The following DCST1 variants were observed in gnomAD, a reference collection of about 807,000 sequenced individuals.
DCST1 encodes the protein DC-STAMP domain containing 1.
DCST1 carries 78 observed loss-of-function variants against 89.1 expected under a neutral mutation model. The ratio of observed to expected loss-of-function variants is 0.88; its 90% confidence interval spans 0.73 to 1.06. The LOEUF (loss-of-function observed/expected upper bound fraction) is 1.06. Ranked by LOEUF, DCST1 falls within the 50% of genes least tolerant of loss-of-function variation. DCST1 has a pLI of 0.00. For missense variants in DCST1, 900 were observed against 928.6 expected, an observed-to-expected ratio of 0.97 and a Z score of 0.40; for synonymous variants, 364 against 371.9, an observed-to-expected ratio of 0.98 and a Z score of 0.24.
intron 4 of DCST1, among the ~76,000 whole-genome samples, chr1:155,038,582 C>T (rs1286087576): frequency 6.6e-6 from 1 of 152,172 alleles, no homozygotes; most frequent in South Asian, 2.1e-4. Flanking sequence ...TCCATCAACA[C>T]AGGAATCTTC....
intron 4 of DCST1, 89 bp from the exon 5 acceptor site, chr1:155,039,314 G>C (rs571755011): frequency 1.3e-5 from 18 of 1,432,760 alleles, no homozygotes; most frequent in South Asian, 7.7e-5. Flanking sequence ...GTTCCAGAAG[G>C]GGGTGTTGCA....
intron 14 of DCST1, 66 bp downstream of exon 14, chr1:155,047,378 A>G: frequency 2.8e-6 from 4 of 1,433,784 alleles, no homozygotes; most frequent in Non-Finnish European, 3.9e-6. Flanking sequence ...AAAAGACTCC[A>G]AGGTAAAGAG....
chr1:155,046,600 C>CTATTTTTTTT, intron 13 of DCST1, 114 bp downstream of exon 13: 1 of 532,372 alleles, frequency 1.9e-6, no homozygotes, highest in Non-Finnish European at 2.6e-6. Context: ...CCTTCTGCCT[C>CTATTTTTTTT]TTTTTTTTTT....
At chr1:155,039,382 C>T in intron 4 of DCST1, 21 bp from the exon 5 acceptor site, 1 of 1,529,028 alleles carries the variant, frequency 6.5e-7, no homozygotes, top group Non-Finnish European at 8.8e-7. Flanking sequence ...CAGCTCACCA[C>T]CTCCTGGGCT....
chr1:155,041,859 T>A lies in DCST1; in HGVS notation c.892+2T>A. ...AGTTCTTCTGTGGCATTGCCAAGGGTCTGCACAGTTGCAAAGGGGTGGGGA... is the reference window on the plus strand; with the variant it reads ...AGTTCTTCTGTGGCATTGCCAAGGGACTGCACAGTTGCAAAGGGGTGGGGA... On this transcript the variant is annotated splice_donor_variant, in intron 8 of 16. Coordinates refer to ENST00000295542, the MANE Select transcript of DCST1 (RefSeq NM_152494.4). LOFTEE classifies it high-confidence loss of function. 6.2e-7 allele frequency: 1 copy of A among 1,614,136 alleles called. No individual in the cohort carries two copies. Among genetic ancestry groups the A allele is most frequent in the South Asian group, 1.1e-5 (1 of 91,086 alleles).
chr1:155,046,663 T>C (rs1169730013), intron 13 of DCST1, among the ~76,000 whole-genome samples, 177 bp downstream of exon 13: 1 of 129,300 alleles, frequency 7.7e-6, no homozygotes, highest in African/African-American at 3.0e-5. Flanking sequence ...AGGAGTGCAT[T>C]GGCACAATCT....
At position 155,034,580 on chromosome 1, in the gene DCST1, G is replaced by A; in HGVS notation, c.187+20G>A. 3 of 1,613,986 alleles carry A rather than the reference G, an allele frequency of 1.9e-6. No homozygotes were observed. Among genetic ancestry groups the A allele is most frequent in the Non-Finnish European group, 2.5e-6 (3 of 1,180,028 alleles). ...CCATAGGTGAGTGTGGAAGCAGAAA[G>A]TTCGGGGTGGGCAGAGGCTGGACCA... On this transcript the variant is annotated intron_variant, in intron 3 of 16. Transcript: ENST00000295542.
chr1:155,035,034 ATCC>A (rs1446868339), intron 4 of DCST1: 2 of 368,280 alleles, frequency 5.4e-6, no homozygotes, highest in Non-Finnish European at 9.8e-6. Context: ...TCGTTTTCTG[ATCC>A]TCCTAAGAAA....
rs973663015 is a variant in DCST1, at chr1:155,041,562, C to T, written c.697C>T (p.His233Tyr). The T allele has an allele frequency of 2.5e-6, 4 of 1,614,016 alleles. No homozygotes were observed. Among genetic ancestry groups the T allele is most frequent in the Non-Finnish European group, 2.5e-6 (3 of 1,180,032 alleles). ...CCGCCAAGCCCCAGCCTCCAGACTC[C>T]ACCTGTCGACACAGAAGATGTATGA... ...EARQAPASRL[H>Y]LSTQKMYELK... The change falls in exon 7 of 17, where the codon CAC (histidine) becomes TAC (tyrosine). Residue 233 changes from histidine (H) to tyrosine (Y), a missense_variant. Physicochemically the swap from His to Tyr is moderately conservative, Grantham distance 83 (BLOSUM62 2). Transcript: ENST00000295542.
At chr1:155,049,151 T>G in intron 16 of DCST1, 1 of 703,580 alleles carries the variant, frequency 1.4e-6, no homozygotes, top group Non-Finnish European at 2.7e-6. Context: ...CTCATTACTA[T>G]GACAACGGTG....
At position 155,047,887 on chromosome 1, in the gene DCST1, C is replaced by T. The variant is rs1268537883; in HGVS notation, c.1713C>T (p.Gly571=). The change falls in exon 15 of 17, where the codon GGC becomes GGT. Residue 571 remains glycine, a synonymous_variant. Transcript: ENST00000295542. ...LVCLCLLQAF[G]YRLRRVIAAF... Reference sequence around the variant, plus strand: ...GTCTCTGCCTGTTACAGGCTTTTGGCTACCGACTCCGGAGGGTCATCGCAG... The same window carrying T: ...GTCTCTGCCTGTTACAGGCTTTTGGTTACCGACTCCGGAGGGTCATCGCAG... The T allele has an allele frequency of 2.5e-6, 4 of 1,614,172 alleles. No individual in the cohort carries two copies. The highest frequency in any genetic ancestry group is 3.4e-6 in the Non-Finnish European group (4 of 1,180,030).
chr1:155,050,552 GC>G, intron 16 of DCST1, 64 bp from the exon 17 acceptor site: 1 of 1,482,534 alleles, frequency 6.7e-7, no homozygotes, highest in Admixed American at 2.1e-5. Context: ...GACAGGAAAC[GC>G]TGTCCAGTTC....
intron 4 of DCST1, among the ~76,000 whole-genome samples, chr1:155,035,823 G>A (rs1395514702): frequency 6.6e-6 from 1 of 151,974 alleles, no homozygotes; most frequent in African/African-American, 2.4e-5. Flanking sequence ...CCAGCTTCTT[G>A]GGAGGCTGAG....
chr1:155,050,484 T>G (rs1412171323), intron 16 of DCST1, 133 bp from the exon 17 acceptor site: 2 of 1,270,430 alleles, frequency 1.6e-6, no homozygotes, highest in Admixed American at 5.6e-5. Flanking sequence ...TCCAGGGGTT[T>G]CCTTTGTCCA....
chr1:155,050,680 C>A lies in DCST1; in HGVS notation c.1933C>A (p.Arg645Ser). ...GCTCCTGCGCCGCTGGCTGTGCCGG[C>A]GCTGCGTGGTGTGCCAGGCACCCGA... is the stretch of plus-strand genomic sequence containing the variant. ...CPLLRRWLCR[R>S]CVVCQAPETP... The change falls in exon 17 of 17, where the codon CGC becomes AGC. Residue 645 changes from arginine (R) to serine (S), a missense_variant. By Grantham distance (110) the Arg-to-Ser change is moderately radical. Coordinates refer to ENST00000295542, the MANE Select transcript of DCST1 (RefSeq NM_152494.4). 6.2e-7 allele frequency: 1 copy of A among 1,602,834 alleles called. No homozygotes were observed. Among genetic ancestry groups the A allele is most frequent in the South Asian group, 1.1e-5 (1 of 89,954 alleles).
At position 155,046,193 on chromosome 1, in the gene DCST1, C is replaced by A; in HGVS notation, c.1341C>A (p.Thr447=). ...EKTVIFPCKP[T]IQASEMSNVV... ...CCGTCATCTTCCCTTGCAAGCCCACCATCCAGGCCTCAGAAATGAGCAATG... is the reference window on the plus strand; with the variant it reads ...CCGTCATCTTCCCTTGCAAGCCCACAATCCAGGCCTCAGAAATGAGCAATG... The change falls in exon 12 of 17, where the codon ACC becomes ACA. Residue 447 remains threonine (T), a synonymous_variant. Transcript: ENST00000295542. 1 of 1,614,236 alleles carries A rather than the reference C, an allele frequency of 6.2e-7. No homozygotes were observed. Among genetic ancestry groups the A allele is most frequent in the Non-Finnish European group, 8.5e-7 (1 of 1,180,054 alleles).
chr1:155,040,321 A>C (rs1039944796), intron 5 of DCST1, among the ~76,000 whole-genome samples, 164 bp from the exon 6 acceptor site: 4 of 151,618 alleles, frequency 2.6e-5, no homozygotes, highest in Non-Finnish European at 5.9e-5. Flanking sequence ...AAAAAAAAAA[A>C]CAGTGAAAAA....
chr1:155,043,260 G>A lies in DCST1; in HGVS notation c.1015-92G>A, dbSNP rs190576016. The A allele has an allele frequency of 2.5e-6, 4 of 1,584,270 alleles. No homozygotes were observed. In the East Asian group the frequency reaches 8.9e-5, roughly 35 times the overall value. On this transcript the variant is annotated intron_variant, in intron 9 of 16. Coordinates refer to ENST00000295542, the MANE Select transcript of DCST1 (RefSeq NM_152494.4). The stretch of plus-strand genomic sequence containing the variant: ...TCCTGGGAGGGCCCCAGGGACACAA[G>A]TGGGGTACTGGGGAACAGATGTCAT...
intron 5 of DCST1, 81 bp from the exon 6 acceptor site, chr1:155,040,404 C>T: frequency 6.7e-7 from 1 of 1,484,114 alleles, no homozygotes; most frequent in Non-Finnish European, 9.1e-7. Flanking sequence ...GCGATGGGCA[C>T]TATTTGCAGA....
Sources: allele counts gnomAD v4.1 joint callset (sites outside exome capture counted in the v4.1 genomes callset), GRCh38; gene constraint gnomAD v4.1.1; transcripts MANE v1.5; gene names NCBI Gene and HGNC (gene_info 2026-07-23, HGNC 2026-07-21).